Variants in TANGO6 observed in about 807,000 individuals in gnomAD.
TANGO6 encodes transport and golgi organization 6 homolog, also known as transport and Golgi organization protein 6 homolog.
TANGO6 carries 90 observed loss-of-function variants against 114.2 expected under a neutral mutation model. That is an observed-to-expected ratio of 0.79 (90% CI 0.66 to 0.94). TANGO6 has a LOEUF of 0.94. Among genes scored for constraint, TANGO6 ranks in the 40% least tolerant of loss-of-function variants. The pLI, the probability that TANGO6 is intolerant of heterozygous loss-of-function variation, is 0.00. For synonymous variants in TANGO6, 477 were observed against 509.8 expected (o/e 0.94, Z 0.87); for missense variants, 1,274 against 1,315.3 (o/e 0.97, Z 0.49).
chr16:68,878,015 G>T (rs935758654), intron 5 of TANGO6, 103 bp from the exon 6 acceptor site: 9 of 960,360 alleles, frequency 9.4e-6, no homozygotes, highest in African/African-American at 5.0e-5. Context: ...TGTTATTGAG[G>T]TGAATTTATT....
chr16:68,999,905 C>T (rs537803218), intron 15 of TANGO6, among the ~76,000 whole-genome samples: 2 of 152,332 alleles, frequency 1.3e-5, no homozygotes, highest in South Asian at 4.1e-4. Flanking sequence ...TTTAGTGGCA[C>T]ACTTTCCAAA....
At chr16:69,044,667 T>C (rs1338230784) in intron 17 of TANGO6, among the ~76,000 whole-genome samples, 1 of 152,066 alleles carries the variant, frequency 6.6e-6, no homozygotes, top group African/African-American at 2.4e-5. Context: ...TCCCCAGTTC[T>C]CTCTGCCTAC....
chr16:69,005,247 GA>G (rs1436049706), intron 15 of TANGO6, among the ~76,000 whole-genome samples: 3 of 151,734 alleles, frequency 2.0e-5, no homozygotes, highest in African/African-American at 7.3e-5. Flanking sequence ...ACGTGACAAA[GA>G]AAAAAGGATA....
At chr16:68,931,368 G>A (rs992263812) in intron 14 of TANGO6, among the ~76,000 whole-genome samples, 1 of 152,206 alleles carries the variant, frequency 6.6e-6, no homozygotes, top group Non-Finnish European at 1.5e-5. Context: ...GATAAACATA[G>A]AGTTACTACT....
At chr16:68,918,500 C>T (rs990480622) in intron 11 of TANGO6, among the ~76,000 whole-genome samples, 1 of 152,172 alleles carries the variant, frequency 6.6e-6, no homozygotes, top group African/African-American at 2.4e-5. Flanking sequence ...TTTTGCATTG[C>T]AGTCCGTGAT....
chr16:69,068,242 A>T (rs1331781157), intron 17 of TANGO6, among the ~76,000 whole-genome samples: 1 of 152,076 alleles, frequency 6.6e-6, no homozygotes, highest in East Asian at 1.9e-4. Context: ...GGCTGCATGC[A>T]GTGAGCTATG....
chr16:69,045,104 T>C (rs929999063), intron 17 of TANGO6, among the ~76,000 whole-genome samples: 5 of 144,294 alleles, frequency 3.5e-5, no homozygotes, highest in Non-Finnish European at 6.0e-5. Context: ...TACAGTGAGC[T>C]GAGATTGTGC....
chr16:68,952,345 A>C (rs796327401), intron 14 of TANGO6, among the ~76,000 whole-genome samples: 5 of 152,246 alleles, frequency 3.3e-5, no homozygotes, highest in South Asian at 4.1e-4. Context: ...CATGGTTTTT[A>C]CTGGAGCTTT....
chr16:69,082,951 C>G (rs1018488706), intron 17 of TANGO6, among the ~76,000 whole-genome samples: 1 of 152,004 alleles, frequency 6.6e-6, no homozygotes, highest in African/African-American at 2.4e-5. Context: ...ATGATTTGGC[C>G]TGGGAGTAAA....
At chr16:69,047,180 CAAAAAAAAA>C (rs11435479) in intron 17 of TANGO6, among the ~76,000 whole-genome samples, 3 of 104,608 alleles carry the variant, frequency 2.9e-5, no homozygotes, top group Non-Finnish European at 5.5e-5. Flanking sequence ...GACTCTGTCT[CAAAAAAAAA>C]AAAAAAAAGA....
At chr16:68,974,965 G>A (rs1963748563) in intron 15 of TANGO6, among the ~76,000 whole-genome samples, 2 of 151,968 alleles carry the variant, frequency 1.3e-5, no homozygotes, top group Non-Finnish European at 2.9e-5. Context: ...GGCTGAGGTG[G>A]GAGGATCACC....
chr16:68,902,451 G>A lies in TANGO6; in HGVS notation c.1614G>A (p.Gln538=). 1 of 1,613,476 alleles carries A rather than the reference G, an allele frequency of 6.2e-7. No homozygotes were observed. The highest frequency in any genetic ancestry group is 8.5e-7 in the Non-Finnish European group (1 of 1,179,642). Reference sequence around the variant, plus strand: ...TGCCCTCTCTCCATTCTCTGTGTCAGTTTAGAGTTGCCACTCAAGGTGGCA... The same window carrying A: ...TGCCCTCTCTCCATTCTCTGTGTCAATTTAGAGTTGCCACTCAAGGTGGCA... The part of the protein sequence containing the change: ...KAVPSLHSLC[Q]FRVATQGGIM... Residue 538 remains glutamine, a synonymous_variant, in exon 9 of 18, where the codon CAG becomes CAA. Transcript: ENST00000261778.
intron 5 of TANGO6, 21 bp from the exon 6 acceptor site, chr16:68,878,092 ATTTAC>A (rs901739906): frequency 6.3e-7 from 1 of 1,592,292 alleles, no homozygotes; most frequent in African/African-American, 1.3e-5. Flanking sequence ...AAAAACTGGT[ATTTAC>A]TTCTTGTAGT....
rs1422440616 is a variant in TANGO6 at position 68,902,326 on chromosome 16, A to G, written c.1491-2A>G. The G allele has an allele frequency of 1.9e-6, 3 of 1,607,020 alleles. No individual in the cohort carries two copies. Among genetic ancestry groups the G allele is most frequent in the South Asian group, 1.1e-5 (1 of 89,768 alleles). The stretch of plus-strand genomic sequence containing the variant: ...CTCATTCATAACTGCTTTTTCTGCC[A>G]GGTCACTTTGCCAAGAAATCTTATT... On this transcript the variant is annotated splice_acceptor_variant, in intron 8 of 17. Transcript: ENST00000261778. LOFTEE classifies it high-confidence loss of function.
chr16:69,077,884 C>CCCT (rs1301287526), intron 17 of TANGO6, among the ~76,000 whole-genome samples: 1 of 152,070 alleles, frequency 6.6e-6, no homozygotes, highest in Non-Finnish European at 1.5e-5. Context: ...ATAGTACTTA[C>CCCT]CATCTAGAGA....
chr16:69,015,536 C>CTGT (rs1217295902), intron 15 of TANGO6, among the ~76,000 whole-genome samples: 1 of 151,840 alleles, frequency 6.6e-6, no homozygotes, highest in African/African-American at 2.4e-5. Flanking sequence ...GGCTGGAGTG[C>CTGT]TGTGGCATGA....
intron 14 of TANGO6, among the ~76,000 whole-genome samples, chr16:68,936,393 A>C (rs1649190338): frequency 1.3e-5 from 2 of 151,982 alleles, no homozygotes. Context: ...GCTGGAGTGC[A>C]ATGGGCTTGG....
chr16:68,897,626 T>C (rs2152179801), intron 7 of TANGO6, among the ~76,000 whole-genome samples: 1 of 151,882 alleles, frequency 6.6e-6, no homozygotes, highest in African/African-American at 2.4e-5. Flanking sequence ...TTGCCCAGGT[T>C]GGAGTACAGT....
rs797022091 is a variant in TANGO6, at chr16:68,881,463, G to A, written c.1377+833G>A. 1.3e-4 allele frequency among the ~76,000 whole-genome samples: 20 copies of A among 152,280 alleles called. 1 individual carries two copies. Among genetic ancestry groups the A allele is most frequent in the Admixed American group, 4.6e-4 (7 of 15,294 alleles). On this transcript the variant is annotated intron_variant, in intron 7 of 17. Coordinates refer to ENST00000261778, the MANE Select transcript of TANGO6 (RefSeq NM_024562.2). ...CAGGAGGTGGAGGTTGCAGTGTGCC[G>A]ATATCATGCCACTGCACTCCAGCCT...
Sources: gnomAD v4.1 joint callset for allele counts (sites outside exome capture counted in the v4.1 genomes callset) on GRCh38, gnomAD v4.1.1 for gene constraint, MANE v1.5 for transcripts, NCBI Gene and HGNC (gene_info 2026-07-23, HGNC 2026-07-21) for gene names.